The following AAK1 variants were observed in gnomAD, a reference collection of about 807,000 sequenced individuals.
AAK1 encodes the protein AP2 associated kinase 1.
In AAK1, 37 loss-of-function variants were observed where a neutral mutation model predicts 116.0. That is an observed-to-expected ratio of 0.32 (90% CI 0.25 to 0.42). AAK1 has a LOEUF of 0.42. Ranked by LOEUF, AAK1 falls within the 10% of genes least tolerant of loss-of-function variation. The pLI, the probability that AAK1 is intolerant of heterozygous loss-of-function variation, is 1.00. For synonymous variants in AAK1, 458 were observed against 439.9 expected (o/e 1.04, Z -0.51); for missense variants, 919 against 1,170.6 (o/e 0.79, Z 3.14).
At chr2:69,595,668 AG>A (rs1673248027) in intron 2 of AAK1, among the ~76,000 whole-genome samples, 1 of 152,258 alleles carries the variant, frequency 6.6e-6, no homozygotes, top group Non-Finnish European at 1.5e-5. Flanking sequence ...AAGGTGAGGC[AG>A]CAAGTGCTGA....
At chr2:69,591,030 A>T (rs958707224) in intron 2 of AAK1, among the ~76,000 whole-genome samples, 2 of 152,258 alleles carry the variant, frequency 1.3e-5, no homozygotes, top group Non-Finnish European at 2.9e-5. Flanking sequence ...GAATTCTGAA[A>T]GACTGGTAAG....
intron 8 of AAK1, among the ~76,000 whole-genome samples, chr2:69,528,855 T>C (rs551640351): frequency 1.3e-5 from 2 of 152,332 alleles, no homozygotes; most frequent in South Asian, 4.1e-4. Context: ...ACTAGTCTAA[T>C]ATCAAAGTTG....
At chr2:69,543,550 G>A (rs1339665284) in intron 4 of AAK1, among the ~76,000 whole-genome samples, 1 of 152,072 alleles carries the variant, frequency 6.6e-6, no homozygotes, top group African/African-American at 2.4e-5. Context: ...TGGGATTACA[G>A]GTGCGCACCA....
chr2:69,559,262 T>TCTCACA (rs1351412903), intron 2 of AAK1, among the ~76,000 whole-genome samples: 5 of 127,178 alleles, frequency 3.9e-5, no homozygotes, highest in African/African-American at 9.3e-5. Flanking sequence ...TCTCTCTCTC[T>TCTCACA]CACACACACA....
Position 69,464,955 on chromosome 2 carries a change from C to T in AAK1, c.*10914G>A, listed in dbSNP as rs1245575710. On this transcript the variant is annotated 3_prime_UTR_variant, in exon 22 of 22. Transcript: ENST00000409085. ...ATCTTGCTCTTCTTTCCAGACATCT[C>T]CCCTTTTCAAGAGTACTAAATCTTG... The T allele has an allele frequency of 6.5e-6, 1 of 155,000 alleles. No individual in the cohort carries two copies. Among genetic ancestry groups the T allele is most frequent in the Non-Finnish European group, 1.4e-5 (1 of 70,050 alleles). 9.6% of individuals were successfully genotyped at this position (155,000 alleles called of 1,614,324 possible). A position where few individuals can be genotyped will look rare whatever the true frequency, so the allele number is the denominator to read the frequency against.
At chr2:69,545,626 G>A (rs962801163) in intron 3 of AAK1, among the ~76,000 whole-genome samples, 3 of 152,182 alleles carry the variant, frequency 2.0e-5, no homozygotes, top group Non-Finnish European at 4.4e-5. Flanking sequence ...CCCATGGTAT[G>A]AAGTGAATAC....
chr2:69,484,810 G>C (rs1399129922), intron 17 of AAK1, among the ~76,000 whole-genome samples: 3 of 151,922 alleles, frequency 2.0e-5, no homozygotes, highest in African/African-American at 7.2e-5. Context: ...AGGAGGCGGA[G>C]GCTGCACTGA....
chr2:69,492,518 C>CTTTTTTTTTTTT (rs987331929), intron 17 of AAK1, among the ~76,000 whole-genome samples: 8 of 83,404 alleles, frequency 9.6e-5, no homozygotes, highest in African/African-American at 3.2e-4. Context: ...CTGGCCAATT[C>CTTTTTTTTTTTT]TTTTTTTTTT....
At chr2:69,479,600 C>T (rs1343117172) in intron 19 of AAK1, among the ~76,000 whole-genome samples, 1 of 152,092 alleles carries the variant, frequency 6.6e-6, no homozygotes, top group Non-Finnish European at 1.5e-5. Flanking sequence ...GAGAGGGTTG[C>T]CTCTGGCTTA....
chr2:69,499,439 G>A (rs1286956224), intron 16 of AAK1, among the ~76,000 whole-genome samples: 3 of 152,264 alleles, frequency 2.0e-5, no homozygotes, highest in Non-Finnish European at 2.9e-5. Flanking sequence ...CCCCCAACCT[G>A]TGTGTATAGT....
intron 2 of AAK1, among the ~76,000 whole-genome samples, chr2:69,624,806 C>T (rs1674821075): frequency 6.6e-6 from 1 of 152,096 alleles, no homozygotes; most frequent in Non-Finnish European, 1.5e-5. Context: ...TCCTGGAACC[C>T]TCTCTGTGGC....
intron 3 of AAK1, among the ~76,000 whole-genome samples, chr2:69,547,811 A>G (rs1206276145): frequency 6.6e-6 from 1 of 152,238 alleles, no homozygotes; most frequent in Non-Finnish European, 1.5e-5. Flanking sequence ...ATTATTCACA[A>G]TAGCCAAAAT....
intron 14 of AAK1, among the ~76,000 whole-genome samples, chr2:69,508,835 C>T (rs1216842377): frequency 6.6e-6 from 1 of 152,110 alleles, no homozygotes; most frequent in African/African-American, 2.4e-5. Context: ...CACAACAGGC[C>T]CTGCTATGTT....
chr2:69,610,050 C>CAAAAA (rs760754177), intron 2 of AAK1, among the ~76,000 whole-genome samples: 2 of 53,530 alleles, frequency 3.7e-5, no homozygotes, highest in Non-Finnish European at 8.5e-5. Context: ...GACTCTGTCT[C>CAAAAA]AAAAAAAAAA....
intron 16 of AAK1, among the ~76,000 whole-genome samples, chr2:69,503,816 T>C (rs982723516): frequency 6.6e-6 from 1 of 152,078 alleles, no homozygotes; most frequent in African/African-American, 2.4e-5. Context: ...CCACCGCACC[T>C]GTAATAATTT....
chr2:69,503,049 C>T (rs1676038650), intron 16 of AAK1, among the ~76,000 whole-genome samples: 1 of 152,172 alleles, frequency 6.6e-6, no homozygotes, highest in Non-Finnish European at 1.5e-5. Context: ...AACTGGGCCA[C>T]AGACAGCCCT....
In AAK1 at chr2:69,529,844, C is replaced by G. The variant is rs188015483; in HGVS notation, c.871+164G>C. On this transcript the variant is annotated intron_variant, in intron 8 of 21. Transcript: ENST00000409085. ...AGATTTCTAGCAAAAAGACCCACCA[C>G]TCTAACTAGACAGTTACATTGTCTT... Among the ~76,000 whole-genome samples, 8 of 152,306 alleles carry G rather than the reference C, an allele frequency of 5.3e-5. No individual in the cohort carries two copies. The East Asian group carries it at 1.5e-3, about 29-fold the overall frequency.
At chr2:69,524,941 G>T in intron 10 of AAK1, 92 bp downstream of exon 10, 1 of 1,263,820 alleles carries the variant, frequency 7.9e-7, no homozygotes, top group Non-Finnish European at 1.2e-6. Flanking sequence ...CCCTGGTCAT[G>T]ACAGCATACA....
rs1165460558 is a variant in AAK1 at position 69,474,281 on chromosome 2, T to G, written c.*1588A>C. The G allele has an allele frequency of 1.0e-6, 1 of 985,746 alleles. No individual in the cohort carries two copies. The highest frequency in any genetic ancestry group is 6.1e-5 in the Admixed American group (1 of 16,266). 61.1% of individuals were successfully genotyped at this position (985,746 alleles called of 1,614,324 possible). On this transcript the variant is annotated 3_prime_UTR_variant, in exon 22 of 22. Coordinates refer to ENST00000409085, the MANE Select transcript of AAK1 (RefSeq NM_014911.5). ...ACTTGGAATTTTATTTGTACAGATC[T>G]GATTAACTAAGAGTTTCCCTTTTGA...
Sources: allele counts gnomAD v4.1 joint callset (sites outside exome capture counted in the v4.1 genomes callset), GRCh38; gene constraint gnomAD v4.1.1; transcripts MANE v1.5; gene names NCBI Gene and HGNC (gene_info 2026-07-23, HGNC 2026-07-21).